WASHC5: variants seen among roughly 807,000 people sequenced by gnomAD.
The protein encoded by WASHC5 is WASH complex subunit 5, also known as WASH complex subunit strumpellin.
In WASHC5, 101 loss-of-function variants were observed where a neutral mutation model predicts 150.4. That is an observed-to-expected ratio of 0.67 (90% CI 0.57 to 0.79). The LOEUF (loss-of-function observed/expected upper bound fraction) is 0.79. WASHC5 is among the 30% of genes least tolerant of loss of function. The probability of loss-of-function intolerance (pLI) is 0.00; values close to 1 mark genes in which losing one functional copy is unlikely to be tolerated. For missense variants in WASHC5, 1,195 were observed against 1,396.3 expected (o/e 0.86, Z 2.30); for synonymous variants, 467 against 491.2 (o/e 0.95, Z 0.65).
intron 27 of WASHC5, among the ~76,000 whole-genome samples, chr8:125,030,951 C>T (rs1815515643): frequency 6.6e-6 from 1 of 152,128 alleles, no homozygotes; most frequent in South Asian, 2.1e-4. Context: ...AGTGATGTTG[C>T]AAAGGAGGGA....
chr8:125,032,774 T>C lies in WASHC5; in HGVS notation c.3182-380A>G, dbSNP rs1815579481. On this transcript the variant is annotated intron_variant, in intron 26 of 28. Coordinates refer to ENST00000318410, the MANE Select transcript of WASHC5 (RefSeq NM_014846.4). ...ACATACTAGATACCCTGAACTACTA[T>C]CTTAAGTGAAAAGCTGGATAAAATA... 3.2e-5 allele frequency: 8 copies of C among 251,944 alleles called. No individual in the cohort carries two copies. The South Asian group carries it at 3.6e-4, about 11-fold the overall frequency. The allele number at this position is 251,944 out of a possible 1,614,324, so 15.6% of individuals were successfully genotyped here. A position where few individuals can be genotyped will look rare whatever the true frequency, so the allele number is the denominator to read the frequency against.
intron 1 of WASHC5, among the ~76,000 whole-genome samples, chr8:125,089,833 GATA>G (rs1817543072): frequency 2.0e-5 from 3 of 152,044 alleles, no homozygotes; most frequent in Admixed American, 2.0e-4. Flanking sequence ...ACATGAGGAG[GATA>G]ATAATAACCA....
Position 125,063,633 on chromosome 8 carries a change from A to G in WASHC5, c.1297T>C (p.Ser433Pro), listed in dbSNP as rs766713240. ...ILKEMFKQML[S>P]EKQTKWEHYK... Reference sequence around the variant, plus strand: ...TGCTCCCATTTGGTTTGCTTTTCTGAAAGCATTTGCTTGAACATCTGTTGA... The same window carrying G: ...TGCTCCCATTTGGTTTGCTTTTCTGGAAGCATTTGCTTGAACATCTGTTGA... The change falls in exon 11 of 29, where the codon TCA (serine) becomes CCA (proline). Residue 433 changes from serine (S) to proline (P), a missense_variant. Physicochemically the swap from Ser to Pro is moderately conservative, Grantham distance 74 (BLOSUM62 -1). Coordinates refer to ENST00000318410, the MANE Select transcript of WASHC5 (RefSeq NM_014846.4). 1.9e-6 allele frequency: 3 copies of G among 1,613,908 alleles called. No homozygotes were observed. Among genetic ancestry groups the G allele is most frequent in the Non-Finnish European group, 2.5e-6 (3 of 1,179,826 alleles).
At chr8:125,030,945 A>G (rs185202980) in intron 27 of WASHC5, among the ~76,000 whole-genome samples, 1 of 152,344 alleles carries the variant, frequency 6.6e-6, no homozygotes, top group Non-Finnish European at 1.5e-5. Context: ...ATCGGAAGTG[A>G]TGTTGCAAAG....
intron 10 of WASHC5, among the ~76,000 whole-genome samples, chr8:125,065,034 TAA>T (rs1228125763): frequency 6.6e-6 from 1 of 152,196 alleles, no homozygotes. Flanking sequence ...GAAGCCTTCG[TAA>T]GAGACTACAT....
chr8:125,079,129 T>TATATATAC (rs1180478173), intron 5 of WASHC5, among the ~76,000 whole-genome samples, 199 bp from the exon 6 acceptor site: 1 of 121,612 alleles, frequency 8.2e-6, no homozygotes, highest in African/African-American at 3.7e-5. Flanking sequence ...TATATATATA[T>TATATATAC]ATATATATAT....
rs777119395 is a variant in WASHC5 at position 125,032,258 on chromosome 8, C to G, written c.3318G>C (p.Thr1106=). 1.2e-6 allele frequency: 2 copies of G among 1,613,916 alleles called. No individual in the cohort carries two copies. Among genetic ancestry groups the G allele is most frequent in the African/African-American group, 1.3e-5 (1 of 74,908 alleles). ...TTCTGTACCTTGTACACTGCTCCACCGTGGAGCAGATAAACTGGCCAATCA... is the reference window on the plus strand; with the variant it reads ...TTCTGTACCTTGTACACTGCTCCACGGTGGAGCAGATAAACTGGCCAATCA... ...LALIGQFICS[T]VEQCTSQKIP... The change falls in exon 27 of 29, where the codon ACG becomes ACC. Residue 1106 remains threonine, a synonymous_variant. Coordinates refer to ENST00000318410, the MANE Select transcript of WASHC5 (RefSeq NM_014846.4).
intron 24 of WASHC5, 52 bp downstream of exon 24, chr8:125,039,743 G>C: frequency 8.1e-7 from 1 of 1,230,522 alleles, no homozygotes; most frequent in Non-Finnish European, 1.2e-6. Flanking sequence ...GGGGTGCGTA[G>C]ATAATAAACA....
At chr8:125,070,625 G>T (rs1211830101) in intron 9 of WASHC5, among the ~76,000 whole-genome samples, 2 of 152,200 alleles carry the variant, frequency 1.3e-5, no homozygotes, top group African/African-American at 4.8e-5. Flanking sequence ...TGGTAAAGAA[G>T]ATTAAAAGCT....
intron 17 of WASHC5, among the ~76,000 whole-genome samples, chr8:125,052,617 C>CAT (rs752589739): frequency 6.2e-4 from 92 of 149,470 alleles, no homozygotes; most frequent in Non-Finnish European, 1.2e-3. Flanking sequence ...ACTACACACA[C>CAT]ACACACACAC....
chr8:125,077,918 C>T (rs1817113555), intron 6 of WASHC5, among the ~76,000 whole-genome samples: 1 of 152,058 alleles, frequency 6.6e-6, no homozygotes, highest in Non-Finnish European at 1.5e-5. Flanking sequence ...AACAACAACA[C>T]CACCAACAAA....
intron 25 of WASHC5, 44 bp from the exon 26 acceptor site, chr8:125,037,377 G>C (rs1815745844): frequency 9.1e-7 from 1 of 1,099,664 alleles, no homozygotes; most frequent in Non-Finnish European, 1.4e-6. Context: ...AAATCACATT[G>C]CACAATACCA....
intron 19 of WASHC5, 80 bp from the exon 20 acceptor site, chr8:125,047,411 G>T: frequency 2.2e-6 from 3 of 1,365,438 alleles, no homozygotes; most frequent in Non-Finnish European, 3.1e-6. Context: ...ATTTTACAAA[G>T]ATAATATTGC....
At chr8:125,083,609 T>C (rs1014506243) in intron 2 of WASHC5, 104 bp downstream of exon 2, 3 of 914,624 alleles carry the variant, frequency 3.3e-6, no homozygotes, top group African/African-American at 3.4e-5. Flanking sequence ...CTCTTCTCTT[T>C]AGCTTTTTCC....
intron 24 of WASHC5, 129 bp from the exon 25 acceptor site, chr8:125,039,088 G>A (rs1045452848): frequency 2.0e-5 from 21 of 1,029,822 alleles, no homozygotes; most frequent in African/African-American, 6.4e-5. Flanking sequence ...GCTTGATCTC[G>A]CTAATTCTCA....
intron 28 of WASHC5, 81 bp from the exon 29 acceptor site, chr8:125,024,754 C>T: frequency 2.1e-6 from 2 of 951,544 alleles, no homozygotes; most frequent in South Asian, 1.3e-5. Flanking sequence ...GAAAAGATAT[C>T]CTTGGAGCAA....
At chr8:125,060,982 G>A (rs1816576157) in intron 12 of WASHC5, 100 bp downstream of exon 12, 1 of 718,976 alleles carries the variant, frequency 1.4e-6, no homozygotes, top group Non-Finnish European at 2.6e-6. Context: ...TACTTCTGAT[G>A]AAATAGTCTC....
chr8:125,090,991 A>G (rs990402599), intron 1 of WASHC5, among the ~76,000 whole-genome samples: 1 of 152,164 alleles, frequency 6.6e-6, no homozygotes, highest in Admixed American at 6.5e-5. Flanking sequence ...CTTCGCCCTC[A>G]CTACGCCTCA....
chr8:125,025,882 T>A (rs1166766384), intron 28 of WASHC5, among the ~76,000 whole-genome samples: 15 of 142,826 alleles, frequency 1.1e-4, no homozygotes, highest in Admixed American at 9.4e-4. Context: ...TCACATAATA[T>A]TGTGTCCTTC....
Sources: gnomAD v4.1 joint callset for allele counts (sites outside exome capture counted in the v4.1 genomes callset) on GRCh38, gnomAD v4.1.1 for gene constraint, MANE v1.5 for transcripts, NCBI Gene and HGNC (gene_info 2026-07-23, HGNC 2026-07-21) for gene names.